Variants in LYPD6 observed in about 807,000 individuals in gnomAD.
LYPD6 encodes LY6/PLAUR domain containing 6, also known as ly6/PLAUR domain-containing protein 6.
A neutral mutation model predicts 22.7 loss-of-function variants in LYPD6; 15 were observed. The observed-to-expected ratio is 0.66, with a 90% CI of 0.44 to 1.02. The LOEUF (loss-of-function observed/expected upper bound fraction) is 1.02. Among genes scored for constraint, LYPD6 ranks in the 50% least tolerant of loss-of-function variants. LYPD6 has a pLI of 0.00. For missense variants in LYPD6, 189 were observed against 208.4 expected (o/e 0.91, Z 0.57); for synonymous variants, 72 against 77.5 (o/e 0.93, Z 0.37).
intron 3 of LYPD6, among the ~76,000 whole-genome samples, chr2:149,456,142 G>A (rs1293920718): frequency 6.6e-6 from 1 of 152,218 alleles, no homozygotes; most frequent in African/African-American, 2.4e-5. Context: ...CCTGAAAGCG[G>A]AGACTGTAGT....
At chr2:149,364,543 A>AT in intron 1 of LYPD6, among the ~76,000 whole-genome samples, 1 of 145,150 alleles carries the variant, frequency 6.9e-6, no homozygotes, top group East Asian at 2.0e-4. Context: ...TACAGAGTAC[A>AT]ATTTTTTTTT....
intron 1 of LYPD6, among the ~76,000 whole-genome samples, chr2:149,352,132 GA>G (rs891456381): frequency 4.6e-5 from 7 of 151,942 alleles, no homozygotes; most frequent in Admixed American, 2.6e-4. Flanking sequence ...AAATGAGGAG[GA>G]AAAAAATGTG....
chr2:149,467,979 C>T (rs1681240492), intron 3 of LYPD6, among the ~76,000 whole-genome samples: 1 of 152,078 alleles, frequency 6.6e-6, no homozygotes, highest in African/African-American at 2.4e-5. Flanking sequence ...TAGGAAGACA[C>T]TGAAATCATG....
chr2:149,387,033 G>A (rs968945738), intron 1 of LYPD6, among the ~76,000 whole-genome samples: 1 of 152,150 alleles, frequency 6.6e-6, no homozygotes, highest in Non-Finnish European at 1.5e-5. Flanking sequence ...TGGAAAGGCT[G>A]GGGACTGCAG....
intron 3 of LYPD6, among the ~76,000 whole-genome samples, chr2:149,457,770 A>T (rs1460636619): frequency 2.0e-5 from 3 of 152,210 alleles, no homozygotes; most frequent in Non-Finnish European, 4.4e-5. Flanking sequence ...ATGACAAAAA[A>T]TTCTGAACAT....
chr2:149,348,880 TG>T (rs1207287628), intron 1 of LYPD6, among the ~76,000 whole-genome samples: 3 of 152,064 alleles, frequency 2.0e-5, no homozygotes, highest in Non-Finnish European at 4.4e-5. Context: ...GTGGTTGCAG[TG>T]GAGATGCTGA....
intron 1 of LYPD6, among the ~76,000 whole-genome samples, chr2:149,405,158 G>C (rs893639264): frequency 3.3e-5 from 5 of 151,974 alleles, no homozygotes; most frequent in African/African-American, 9.7e-5. Context: ...GAGGATTTTT[G>C]CATCAATGTT....
chr2:149,468,517 C>G, intron 3 of LYPD6, 128 bp from the exon 4 acceptor site: 1 of 1,056,972 alleles, frequency 9.5e-7, no homozygotes, highest in Non-Finnish European at 1.4e-6. Flanking sequence ...GACATAAACT[C>G]AAAGCAGTGC....
At chr2:149,466,108 C>T (rs916505900) in intron 3 of LYPD6, among the ~76,000 whole-genome samples, 15 of 152,118 alleles carry the variant, frequency 9.9e-5, no homozygotes, top group African/African-American at 3.4e-4. Context: ...ATCACTACTC[C>T]AGTCCAGTGA....
intron 1 of LYPD6, among the ~76,000 whole-genome samples, chr2:149,411,304 A>ATTTT (rs879532951): frequency 4.1e-5 from 6 of 147,112 alleles, no homozygotes; most frequent in Admixed American, 1.4e-4. Flanking sequence ...ATGTGTGTGT[A>ATTTT]TTTTTTTTTT....
intron 1 of LYPD6, among the ~76,000 whole-genome samples, chr2:149,381,561 G>T (rs191295183): frequency 8.5e-4 from 129 of 152,308 alleles, no homozygotes; most frequent in Admixed American, 3.6e-3. Flanking sequence ...CACCAACAAA[G>T]AGTGATGCTT....
chr2:149,348,408 G>T (rs1463130542), intron 1 of LYPD6, among the ~76,000 whole-genome samples: 1 of 152,200 alleles, frequency 6.6e-6, no homozygotes, highest in Non-Finnish European at 1.5e-5. Flanking sequence ...GTGGGAGGCA[G>T]CTGGTACCTT....
chr2:149,333,544 T>C (rs189703987), intron 1 of LYPD6, among the ~76,000 whole-genome samples: 36 of 152,350 alleles, frequency 2.4e-4, no homozygotes, highest in African/African-American at 8.2e-4. Flanking sequence ...AGTTTTCTTA[T>C]GTGTAAAGCA....
chr2:149,466,225 G>A (rs973439689), intron 3 of LYPD6, among the ~76,000 whole-genome samples: 4 of 152,290 alleles, frequency 2.6e-5, no homozygotes, highest in South Asian at 2.1e-4. Flanking sequence ...GTTCTCATAA[G>A]TTGTGCACTG....
intron 1 of LYPD6, among the ~76,000 whole-genome samples, chr2:149,337,185 G>A (rs1342958487): frequency 2.6e-5 from 4 of 152,076 alleles, no homozygotes; most frequent in Admixed American, 6.6e-5. Context: ...GCTTGCCTTG[G>A]TGTCTAGCAC....
chr2:149,371,860 T>C (rs1185138117), intron 1 of LYPD6, among the ~76,000 whole-genome samples: 1 of 152,126 alleles, frequency 6.6e-6, no homozygotes, highest in Non-Finnish European at 1.5e-5. Flanking sequence ...TTAATCCTGA[T>C]TTTAGGCCTA....
chr2:149,458,119 A>G (rs1039554458), intron 3 of LYPD6, among the ~76,000 whole-genome samples: 2 of 152,206 alleles, frequency 1.3e-5, no homozygotes, highest in African/African-American at 2.4e-5. Flanking sequence ...GGCTGAATGG[A>G]AAGCCTTGAC....
chr2:149,459,624 A>G (rs1195604066), intron 3 of LYPD6, among the ~76,000 whole-genome samples: 1 of 152,180 alleles, frequency 6.6e-6, no homozygotes, highest in African/African-American at 2.4e-5. Flanking sequence ...TATTACGGCC[A>G]GGCACAGTGG....
intron 1 of LYPD6, among the ~76,000 whole-genome samples, chr2:149,338,528 A>G (rs992145825): frequency 6.6e-6 from 1 of 152,136 alleles, no homozygotes; most frequent in Non-Finnish European, 1.5e-5. Context: ...GTGCCTTTAT[A>G]AAAGAGGTTG....
Sources: gnomAD v4.1 joint callset for allele counts (sites outside exome capture counted in the v4.1 genomes callset) on GRCh38, gnomAD v4.1.1 for gene constraint, MANE v1.5 for transcripts, NCBI Gene and HGNC (gene_info 2026-07-23, HGNC 2026-07-21) for gene names.